CPQ: variants seen among roughly 807,000 people sequenced by gnomAD.
The protein encoded by CPQ is carboxypeptidase Q, also known as Ser-Met dipeptidase.
CPQ carries 37 observed loss-of-function variants against 45.7 expected under a neutral mutation model. That is an observed-to-expected ratio of 0.81 (90% CI 0.62 to 1.07). The LOEUF is 1.07. Ranked by LOEUF, CPQ falls within the 50% of genes least tolerant of loss-of-function variation. The probability of loss-of-function intolerance (pLI) is 0.00; values close to 1 mark genes in which losing one functional copy is unlikely to be tolerated. For missense variants in CPQ, 537 were observed against 572.9 expected (o/e 0.94, Z 0.64); for synonymous variants, 186 against 205.8 (o/e 0.90, Z 0.82).
intron 2 of CPQ, among the ~76,000 whole-genome samples, chr8:96,809,143 G>A (rs2130827891): frequency 6.6e-6 from 1 of 152,008 alleles, no homozygotes; most frequent in African/African-American, 2.4e-5. Flanking sequence ...TGATGTCAAT[G>A]TATTTAAATA....
chr8:96,743,562 G>C (rs1197054405), intron 1 of CPQ, among the ~76,000 whole-genome samples: 1 of 152,032 alleles, frequency 6.6e-6, no homozygotes, highest in Non-Finnish European at 1.5e-5. Context: ...CTGCTTTTTA[G>C]AGTTTCCAGT....
chr8:96,944,511 A>G (rs1813163861), intron 4 of CPQ, among the ~76,000 whole-genome samples: 1 of 151,466 alleles, frequency 6.6e-6, no homozygotes, highest in South Asian at 2.1e-4. Flanking sequence ...ATTAAAAACA[A>G]TAATAAAAAA....
intron 3 of CPQ, among the ~76,000 whole-genome samples, chr8:96,845,953 G>A (rs368192791): frequency 7.2e-5 from 11 of 152,222 alleles, no homozygotes; most frequent in African/African-American, 2.2e-4. Context: ...CTGAGTAGCT[G>A]GGATTACAGT....
intron 4 of CPQ, among the ~76,000 whole-genome samples, chr8:96,943,961 C>A (rs771214616): frequency 5.9e-5 from 9 of 152,034 alleles, no homozygotes; most frequent in Non-Finnish European, 1.0e-4. Flanking sequence ...ATTTTGGAAG[C>A]CCTAGTTTAA....
intron 4 of CPQ, among the ~76,000 whole-genome samples, chr8:96,919,105 T>G (rs978408852): frequency 3.3e-5 from 5 of 152,018 alleles, no homozygotes; most frequent in African/African-American, 1.2e-4. Flanking sequence ...TTTTGTGTGG[T>G]TCAGTGTTAC....
intron 1 of CPQ, among the ~76,000 whole-genome samples, chr8:96,714,760 A>G (rs1809654151): frequency 1.3e-5 from 2 of 152,090 alleles, no homozygotes; most frequent in Admixed American, 6.5e-5. Flanking sequence ...TCTTTTGGAT[A>G]GATAATTTTT....
intron 1 of CPQ, among the ~76,000 whole-genome samples, chr8:96,685,135 A>ACAACAAAAAAACAAAAAAC (rs1394747233): frequency 1.4e-5 from 1 of 73,984 alleles, no homozygotes; most frequent in Non-Finnish European, 3.4e-5. Context: ...AAAACAAAAA[A>ACAACAAAAAAACAAAAAAC]CAAAAAACAG....
At chr8:97,048,858 G>C (rs975533491) in intron 6 of CPQ, among the ~76,000 whole-genome samples, 6 of 152,088 alleles carry the variant, frequency 3.9e-5, no homozygotes. Flanking sequence ...CATCTTGTAG[G>C]CAATTACCTT....
chr8:96,732,604 A>T (rs1240179948), intron 1 of CPQ, among the ~76,000 whole-genome samples: 1 of 151,254 alleles, frequency 6.6e-6, no homozygotes, highest in Non-Finnish European at 1.5e-5. Context: ...TTCTTAATAG[A>T]TGAGAAAAAA....
At chr8:96,660,583 A>C (rs1034171806) in intron 1 of CPQ, among the ~76,000 whole-genome samples, 2 of 151,926 alleles carry the variant, frequency 1.3e-5, no homozygotes, top group African/African-American at 4.8e-5. Flanking sequence ...GTCTCACCCA[A>C]CTTCTTGTAG....
intron 1 of CPQ, among the ~76,000 whole-genome samples, chr8:96,783,253 T>A (rs1810714261): frequency 6.7e-6 from 1 of 149,064 alleles, no homozygotes; most frequent in Non-Finnish European, 1.5e-5. Flanking sequence ...TTTGTCTTAG[T>A]TGTGTGAGTG....
intron 7 of CPQ, among the ~76,000 whole-genome samples, chr8:97,141,827 T>A (rs1001686982): frequency 6.6e-6 from 1 of 152,200 alleles, no homozygotes; most frequent in African/African-American, 2.4e-5. Flanking sequence ...ATAAATCTTA[T>A]ATATGTTTGA....
chr8:97,044,306 A>C (rs1338181751), intron 6 of CPQ, among the ~76,000 whole-genome samples: 1 of 152,132 alleles, frequency 6.6e-6, no homozygotes, highest in Non-Finnish European at 1.5e-5. Flanking sequence ...TTCTTCACGT[A>C]GTTCTTGAGC....
At chr8:96,651,238 A>G (rs906421730) in intron 1 of CPQ, among the ~76,000 whole-genome samples, 1 of 152,250 alleles carries the variant, frequency 6.6e-6, no homozygotes, top group South Asian at 2.1e-4. Context: ...AGAGAAGCCC[A>G]GCACTGGCAC....
At chr8:96,818,701 T>G (rs1811261401) in intron 2 of CPQ, among the ~76,000 whole-genome samples, 1 of 152,040 alleles carries the variant, frequency 6.6e-6, no homozygotes, top group South Asian at 2.1e-4. Context: ...CATATGTCCT[T>G]GTTAGTTGTT....
chr8:96,782,603 G>A (rs1016332736), intron 1 of CPQ, among the ~76,000 whole-genome samples: 3 of 152,136 alleles, frequency 2.0e-5, no homozygotes, highest in Admixed American at 6.5e-5. Flanking sequence ...AAATGGTTGT[G>A]TGGCCACATC....
At chr8:96,985,948 T>A (rs953649054) in intron 5 of CPQ, among the ~76,000 whole-genome samples, 7 of 152,212 alleles carry the variant, frequency 4.6e-5, no homozygotes, top group African/African-American at 1.7e-4. Flanking sequence ...TTTCTATGTT[T>A]TTTAGAATAC....
At chr8:96,838,151 C>T (rs1811555452) in intron 3 of CPQ, among the ~76,000 whole-genome samples, 3 of 152,074 alleles carry the variant, frequency 2.0e-5, no homozygotes, top group South Asian at 2.1e-4. Context: ...CCACATACAT[C>T]GTTCTGTGCA....
chr8:97,097,805 G>GGAGA (rs370633853), intron 7 of CPQ, among the ~76,000 whole-genome samples: 22 of 150,728 alleles, frequency 1.5e-4, no homozygotes, highest in African/African-American at 3.2e-4. Flanking sequence ...GCCCAGACAA[G>GGAGA]GAGAGAGAGA....
Sources: gnomAD v4.1 joint callset for allele counts (sites outside exome capture counted in the v4.1 genomes callset) on GRCh38, gnomAD v4.1.1 for gene constraint, MANE v1.5 for transcripts, NCBI Gene and HGNC (gene_info 2026-07-23, HGNC 2026-07-21) for gene names.